SERINC5: variants seen among roughly 807,000 people sequenced by gnomAD.
SERINC5 encodes chromosome 5 open reading frame 12.
SERINC5 carries 41 observed loss-of-function variants against 63.1 expected under a neutral mutation model. The ratio of observed to expected loss-of-function variants is 0.65; its 90% CI spans 0.51 to 0.84. The LOEUF is 0.84. Ranked by LOEUF, SERINC5 falls within the 40% of genes least tolerant of loss-of-function variation. The pLI is 0.00. For missense variants in SERINC5, 523 were observed against 573.0 expected (o/e 0.91, Z 0.89); for synonymous variants, 222 against 215.2 (o/e 1.03, Z -0.28).
downstream of SERINC5, among the ~76,000 whole-genome samples, chr5:80,137,139 CAAA>C (rs869035894): frequency 1.2e-4 from 8 of 67,734 alleles, no homozygotes; most frequent in Admixed American, 1.8e-4. Context: ...GACCCTGTCT[CAAA>C]AAAAAAAAAA....
In SERINC5 at chr5:80,143,663, T is replaced by A. The variant is rs919182525; in HGVS notation, c.1386A>T (p.Ter462CysextTer1). Residue 462 changes from the stop codon to cysteine (C), a stop_lost, in exon 12 of 12, where the codon TGA becomes TGT. Transcript: ENST00000507668. ...LCCPTREFSV[*>C] ...AAAGCCCAGGGGACCGCCGATATCA[T>A]CACACAGAGAACTCCCGGGTGGGGC... 5 of 1,535,470 alleles carry A rather than the reference T, an allele frequency of 3.3e-6. No individual in the cohort carries two copies. The Admixed American group carries it at 7.9e-5, about 24-fold the overall frequency.
At chr5:80,165,042 C>CT (rs1390302763) in intron 7 of SERINC5, among the ~76,000 whole-genome samples, 36 of 149,172 alleles carry the variant, frequency 2.4e-4, no homozygotes, top group Non-Finnish European at 1.2e-4. Flanking sequence ...CACGCTCAGC[C>CT]TTTTTTTTCT....
downstream of SERINC5, among the ~76,000 whole-genome samples, chr5:80,138,527 C>T (rs1745308737): frequency 1.3e-5 from 2 of 151,636 alleles, no homozygotes; most frequent in South Asian, 4.2e-4. Context: ...GCCTGGGAGG[C>T]GGTGGTTGCA....
intron 1 of SERINC5, among the ~76,000 whole-genome samples, chr5:80,209,574 C>A (rs1476729253): frequency 1.3e-5 from 2 of 152,186 alleles, no homozygotes; most frequent in Non-Finnish European, 2.9e-5. Flanking sequence ...TATCTATGTA[C>A]ATACACATAT....
At chr5:80,192,188 G>A (rs1749230539) in intron 2 of SERINC5, among the ~76,000 whole-genome samples, 1 of 152,230 alleles carries the variant, frequency 6.6e-6, no homozygotes, top group South Asian at 2.1e-4. Context: ...CTACTAGGAA[G>A]AATAGATGAG....
chr5:80,149,911 T>A (rs1431747106), intron 9 of SERINC5, among the ~76,000 whole-genome samples: 1 of 152,184 alleles, frequency 6.6e-6, no homozygotes, highest in Non-Finnish European at 1.5e-5. Context: ...TGTTGGTAGA[T>A]GAGAGCCCCA....
intron 4 of SERINC5, among the ~76,000 whole-genome samples, chr5:80,176,325 G>A (rs1263384409): frequency 6.6e-6 from 1 of 152,154 alleles, no homozygotes; most frequent in East Asian, 1.9e-4. Context: ...CAAGACTTAG[G>A]GAGTACATGA....
chr5:80,190,788 T>C lies in SERINC5; in HGVS notation c.195+12098A>G, dbSNP rs191374919. On this transcript the variant is annotated intron_variant, in intron 2 of 11. Transcript: ENST00000507668. ...ATAACCTCAAGATTTGAGAGCCCCA[T>C]TACCTGTTCCCCAGTTCTAGTGATG... is the stretch of plus-strand genomic sequence containing the variant. Among the ~76,000 whole-genome samples the C allele has an allele frequency of 6.4e-4, 98 of 152,300 alleles. 1 individual carries two copies. The highest frequency in any genetic ancestry group is 2.2e-3 in the African/African-American group (91 of 41,562).
chr5:80,132,571 T>C (rs1186547499), intron 11 of SERINC5, among the ~76,000 whole-genome samples: 1 of 151,900 alleles, frequency 6.6e-6, no homozygotes. Context: ...CCAAATAAAC[T>C]CTTTACCTAT....
chr5:80,241,288 A>G (rs1182955094), intron 1 of SERINC5, among the ~76,000 whole-genome samples: 4 of 151,832 alleles, frequency 2.6e-5, no homozygotes, highest in Non-Finnish European at 5.9e-5. Flanking sequence ...GGCCAACACA[A>G]TGAAACCCCA....
At chr5:80,118,629 C>T (rs548909501) in intron 11 of SERINC5, among the ~76,000 whole-genome samples, 3 of 152,130 alleles carry the variant, frequency 2.0e-5, no homozygotes, top group African/African-American at 7.2e-5. Context: ...CTAGCTGAAA[C>T]CTCTGCCTCC....
intron 10 of SERINC5, 98 bp downstream of exon 10, chr5:80,147,146 CT>C (rs765692332): frequency 9.3e-7 from 1 of 1,079,474 alleles, no homozygotes; most frequent in Non-Finnish European, 1.4e-6. Context: ...TTTCTCCTTA[CT>C]ATTCAAGTTA....
chr5:80,243,122 C>A (rs1267150211), intron 1 of SERINC5, among the ~76,000 whole-genome samples: 1 of 152,198 alleles, frequency 6.6e-6, no homozygotes, highest in Non-Finnish European at 1.5e-5. Context: ...AACCCCTGGT[C>A]TTTAGGCAAC....
intron 3 of SERINC5, 132 bp downstream of exon 3, chr5:80,177,754 A>T: frequency 1.4e-6 from 1 of 733,640 alleles, no homozygotes; most frequent in Non-Finnish European, 2.2e-6. Context: ...TATCAATTCC[A>T]CCTTCCCCTA....
chr5:80,124,635 C>T (rs1744674088), intron 11 of SERINC5, among the ~76,000 whole-genome samples: 1 of 152,100 alleles, frequency 6.6e-6, no homozygotes, highest in African/African-American at 2.4e-5. Flanking sequence ...AAAAGCAATC[C>T]GAGCTTGGAT....
intron 1 of SERINC5, among the ~76,000 whole-genome samples, chr5:80,207,539 G>A (rs1256124959): frequency 6.6e-6 from 1 of 152,088 alleles, no homozygotes; most frequent in Non-Finnish European, 1.5e-5. Flanking sequence ...ACATGATTGT[G>A]GAAAATGTAA....
At chr5:80,207,011 A>ATATT (rs1554068431) in intron 1 of SERINC5, among the ~76,000 whole-genome samples, 6 of 150,554 alleles carry the variant, frequency 4.0e-5, no homozygotes, top group African/African-American at 1.5e-4. Flanking sequence ...ATATATATAT[A>ATATT]TTTTTTAGAC....
At chr5:80,220,964 AAGTGGAGGAAGCCCCCCAAG>A (rs1185873452) in intron 1 of SERINC5, among the ~76,000 whole-genome samples, 3 of 152,050 alleles carry the variant, frequency 2.0e-5, no homozygotes, top group Non-Finnish European at 2.9e-5. Context: ...AAGAGCCAGG[AAGTGGAGGAAGCCCCCCAAG>A]AGTGGAGGAA....
intron 11 of SERINC5, among the ~76,000 whole-genome samples, chr5:80,132,745 G>T (rs1262413763): frequency 6.6e-6 from 1 of 152,142 alleles, no homozygotes; most frequent in Non-Finnish European, 1.5e-5. Context: ...GATTACAGGT[G>T]TGAGCCACCG....
Sources: gnomAD v4.1 joint callset for allele counts (sites outside exome capture counted in the v4.1 genomes callset) on GRCh38, gnomAD v4.1.1 for gene constraint, MANE v1.5 for transcripts, NCBI Gene and HGNC (gene_info 2026-07-23, HGNC 2026-07-21) for gene names.